The following CHCHD6 variants were observed in gnomAD, a reference collection of about 807,000 sequenced individuals.
The protein encoded by CHCHD6 is MICOS complex subunit MIC25.
Under a neutral mutation model 32.3 loss-of-function variants are expected in CHCHD6, and 28 were observed. The ratio of observed to expected loss-of-function variants is 0.87; its 90% confidence interval spans 0.64 to 1.19. The LOEUF (loss-of-function observed/expected upper bound fraction) is 1.19. CHCHD6 is among the 50% of genes most tolerant of loss of function. The probability of loss-of-function intolerance (pLI) is 0.00; values close to 1 mark genes in which losing one functional copy is unlikely to be tolerated. For synonymous variants in CHCHD6, 122 were observed against 117.5 expected (o/e 1.04, Z -0.25); for missense variants, 333 against 307.0 (o/e 1.08, Z -0.63).
intron 4 of CHCHD6, among the ~76,000 whole-genome samples, chr3:126,739,660 A>G (rs533530047): frequency 3.3e-5 from 5 of 152,330 alleles, no homozygotes; most frequent in African/African-American, 1.2e-4. Flanking sequence ...GAGACAGCCC[A>G]GTGGGCTGTA....
At chr3:126,760,196 G>C (rs902766797) in intron 4 of CHCHD6, among the ~76,000 whole-genome samples, 7 of 152,190 alleles carry the variant, frequency 4.6e-5, no homozygotes, top group African/African-American at 1.4e-4. Context: ...TCAGGTACCT[G>C]TTCCTTTTTG....
At chr3:126,746,437 C>A (rs1936506936) in intron 4 of CHCHD6, among the ~76,000 whole-genome samples, 1 of 152,148 alleles carries the variant, frequency 6.6e-6, no homozygotes, top group South Asian at 2.1e-4. Flanking sequence ...GGAGGCCTGG[C>A]AGCCCTGCCT....
At chr3:126,748,115 A>C (rs1471870876) in intron 4 of CHCHD6, among the ~76,000 whole-genome samples, 1 of 152,084 alleles carries the variant, frequency 6.6e-6, no homozygotes, top group Admixed American at 6.5e-5. Flanking sequence ...CTCCTCTTAG[A>C]GCCTGCTCTG....
At chr3:126,744,478 C>T (rs1215121136) in intron 4 of CHCHD6, among the ~76,000 whole-genome samples, 1 of 152,144 alleles carries the variant, frequency 6.6e-6, no homozygotes, top group Non-Finnish European at 1.5e-5. Context: ...GAGCCAGGGC[C>T]CTATCTCCTG....
intron 1 of CHCHD6, among the ~76,000 whole-genome samples, chr3:126,725,817 T>C (rs1935507659): frequency 6.6e-6 from 1 of 152,254 alleles, no homozygotes; most frequent in Admixed American, 6.5e-5. Context: ...CAACCTTGGC[T>C]CACTTCAGTC....
At chr3:126,924,092 T>TC (rs1435754138) in intron 6 of CHCHD6, among the ~76,000 whole-genome samples, 3 of 151,898 alleles carry the variant, frequency 2.0e-5, no homozygotes. Context: ...GTAACACAAT[T>TC]CCCCCAACCC....
At chr3:126,739,060 T>A (rs146021630) in intron 4 of CHCHD6, among the ~76,000 whole-genome samples, 274 of 152,338 alleles carry the variant, frequency 1.8e-3, no homozygotes, top group African/African-American at 6.5e-3. Context: ...GGTGGCCTTG[T>A]CCCTTATACC....
chr3:126,752,724 C>T (rs1936776739), intron 4 of CHCHD6, among the ~76,000 whole-genome samples: 1 of 152,186 alleles, frequency 6.6e-6, no homozygotes, highest in South Asian at 2.1e-4. Flanking sequence ...GTTCGTTCTC[C>T]CTGCCCCTTT....
intron 4 of CHCHD6, among the ~76,000 whole-genome samples, chr3:126,843,449 C>T (rs749917381): frequency 4.6e-5 from 7 of 152,042 alleles, no homozygotes; most frequent in Non-Finnish European, 5.9e-5. Context: ...TGATTTCTTC[C>T]TTAAATATTT....
intron 4 of CHCHD6, among the ~76,000 whole-genome samples, chr3:126,813,104 A>G (rs1939732481): frequency 6.6e-6 from 1 of 152,222 alleles, no homozygotes; most frequent in Non-Finnish European, 1.5e-5. Flanking sequence ...TTTCTTACCT[A>G]TAGCAAGTAG....
At chr3:126,790,556 G>A (rs182523399) in intron 4 of CHCHD6, among the ~76,000 whole-genome samples, 40 of 151,772 alleles carry the variant, frequency 2.6e-4, no homozygotes, top group South Asian at 1.9e-3. Flanking sequence ...TTCTCTTCTC[G>A]CTTCATTTCA....
chr3:126,839,394 T>TA (rs1160569024), intron 4 of CHCHD6, among the ~76,000 whole-genome samples: 1 of 152,246 alleles, frequency 6.6e-6, no homozygotes, highest in Non-Finnish European at 1.5e-5. Flanking sequence ...CATCTGGCAA[T>TA]AATTTGGAAA....
intron 1 of CHCHD6, among the ~76,000 whole-genome samples, chr3:126,720,693 G>C (rs1025183428): frequency 6.6e-6 from 1 of 152,174 alleles, no homozygotes; most frequent in Non-Finnish European, 1.5e-5. Flanking sequence ...GCTTCAGGAA[G>C]TTCTCTGAAG....
intron 4 of CHCHD6, among the ~76,000 whole-genome samples, chr3:126,747,019 A>G (rs1161398191): frequency 6.6e-6 from 1 of 152,038 alleles, no homozygotes; most frequent in Non-Finnish European, 1.5e-5. Context: ...TCCTCAGCTG[A>G]GTTGTCTGGC....
At chr3:126,863,686 TCCA>T (rs1422801187) in intron 5 of CHCHD6, among the ~76,000 whole-genome samples, 2 of 110,966 alleles carry the variant, frequency 1.8e-5, no homozygotes, top group African/African-American at 3.5e-5. Context: ...CTCCTCCTCC[TCCA>T]CCATCACCAC....
intron 4 of CHCHD6, among the ~76,000 whole-genome samples, chr3:126,810,521 T>C (rs1289855175): frequency 6.6e-6 from 1 of 152,196 alleles, no homozygotes; most frequent in East Asian, 1.9e-4. Context: ...AAATAAACTT[T>C]AAAAACTAAT....
chr3:126,720,779 G>A (rs767138629), intron 1 of CHCHD6, among the ~76,000 whole-genome samples: 1 of 152,078 alleles, frequency 6.6e-6, no homozygotes, highest in African/African-American at 2.4e-5. Flanking sequence ...CTGTCACTTC[G>A]CACCCAGCCT....
rs933001652 is a variant in CHCHD6, at chr3:126,960,407, C to G, written c.*206C>G. 4.9e-6 allele frequency: 3 copies of G among 609,818 alleles called. No individual in the cohort carries two copies. In the African/African-American group the frequency reaches 5.5e-5, roughly 11 times the overall value. The allele number at this position is 609,818 out of a possible 1,614,324, so 37.8% of individuals were successfully genotyped here. ...AGATGCCTTTGTTTTCAGTCGTTGA[C>G]TCACTGGCAAACAGTCACTGCTGCC... On this transcript the variant is annotated 3_prime_UTR_variant, in exon 8 of 8. Coordinates refer to ENST00000290913, the MANE Select transcript of CHCHD6 (RefSeq NM_032343.3).
chr3:126,848,416 T>C (rs952205799), intron 4 of CHCHD6, among the ~76,000 whole-genome samples: 1 of 152,250 alleles, frequency 6.6e-6, no homozygotes, highest in Non-Finnish European at 1.5e-5. Flanking sequence ...AATTTCTTTT[T>C]TGTAAATCAG....
Sources: allele counts gnomAD v4.1 joint callset (sites outside exome capture counted in the v4.1 genomes callset), GRCh38; gene constraint gnomAD v4.1.1; transcripts MANE v1.5; gene names NCBI Gene and HGNC (gene_info 2026-07-23, HGNC 2026-07-21).